NLGN4X: variants seen among roughly 807,000 people sequenced by gnomAD.
The protein encoded by NLGN4X is neuroligin 4 X-linked.
In NLGN4X, 3 loss-of-function variants were observed where a neutral mutation model predicts 40.3. The ratio of observed to expected loss-of-function variants is 0.07; its 90% CI spans 0.03 to 0.19. The LOEUF (loss-of-function observed/expected upper bound fraction) is 0.19, where lower values mean the gene tolerates loss of function less well. Among genes scored for constraint, NLGN4X ranks in the 10% least tolerant of loss-of-function variants. The pLI is 1.00. For synonymous variants in NLGN4X, 270 were observed against 306.8 expected, an observed-to-expected ratio of 0.88 and a Z score of 1.25; for missense variants, 382 against 708.3, an observed-to-expected ratio of 0.54 and a Z score of 5.23.
chrX:5,899,246 C>T (rs902474026), intron 5 of NLGN4X, among the ~76,000 whole-genome samples: 5 of 111,916 alleles, frequency 4.5e-5, no homozygotes, highest in Non-Finnish European at 5.6e-5. Context: ...TTCCCATGGG[C>T]GGAAGAAACA....
At chrX:6,084,731 A>AT (rs1338719267) in intron 2 of NLGN4X, among the ~76,000 whole-genome samples, 1 of 110,156 alleles carries the variant, frequency 9.1e-6, no homozygotes, top group African/African-American at 3.3e-5. Context: ...TCATGAACAG[A>AT]TGAGTGTAAT....
At position 5,923,585 on chromosome X, in the gene NLGN4X, A is replaced by G. The variant is rs777159960; in HGVS notation, c.626-14346T>C. Among the ~76,000 whole-genome samples, 12 of 112,242 alleles carry G rather than the reference A, an allele frequency of 1.1e-4. No individual in the cohort carries two copies. The South Asian group carries it at 4.1e-3, about 38-fold the overall frequency. On this transcript the variant is annotated intron_variant, in intron 3 of 5. Coordinates refer to ENST00000381095, the MANE Select transcript of NLGN4X (RefSeq NM_181332.3). ...AGGCATGTCTCACATGGCAGCAGACAACAGAAGAGAGCTTATGCAGGGAAA... is the reference window on the plus strand; with the variant it reads ...AGGCATGTCTCACATGGCAGCAGACGACAGAAGAGAGCTTATGCAGGGAAA...
rs1232133973 is a variant in NLGN4X, at chrX:5,966,134, C to T, written c.626-56895G>A. Among the ~76,000 whole-genome samples, 3 of 111,753 alleles carry T rather than the reference C, an allele frequency of 2.7e-5. 1 individual carries two copies. Among genetic ancestry groups the T allele is most frequent in the Non-Finnish European group, 1.9e-5 (1 of 53,148 alleles). Reference sequence around the variant, plus strand: ...ATGGCTTTGAAATTTTCTTTACAGTCATTAAAAACCATAGCATGTGTTCAT... The same window carrying T: ...ATGGCTTTGAAATTTTCTTTACAGTTATTAAAAACCATAGCATGTGTTCAT... On this transcript the variant is annotated intron_variant, in intron 3 of 5. Coordinates refer to ENST00000381095, the MANE Select transcript of NLGN4X (RefSeq NM_181332.3).
Position 6,221,394 on chromosome X carries a change from TATA to T in NLGN4X, c.-306+7144_-306+7146del, listed in dbSNP as rs1569306876. ...AACCACATTTTTCCTTCTTATATTA[TATA>T]TATATATATATATATATATATATAT... On this transcript the variant is annotated intron_variant, in intron 1 of 5. Transcript: ENST00000381095. Among the ~76,000 whole-genome samples, 65 of 20,359 alleles carry T rather than the reference TATA, an allele frequency of 3.2e-3. 2 individuals are homozygous for T. The highest frequency in any genetic ancestry group is 0.012 in the African/African-American group (64 of 5,267). 17.7% of individuals were successfully genotyped at this position (20,359 alleles called of 115,157 possible).
chrX:5,902,764 C>A (rs2031944293), intron 5 of NLGN4X, among the ~76,000 whole-genome samples: 1 of 112,465 alleles, frequency 8.9e-6, no homozygotes, highest in African/African-American at 3.2e-5. Context: ...ATGAGTCCTG[C>A]ACCTGCAGGT....
chrX:6,085,258 C>A (rs1156762923), intron 2 of NLGN4X, among the ~76,000 whole-genome samples: 1 of 110,998 alleles, frequency 9.0e-6, no homozygotes, highest in Non-Finnish European at 1.9e-5. Flanking sequence ...AAGTGATAGC[C>A]AGAAGAAGAG....
At chrX:6,047,115 C>T (rs1438926101) in intron 2 of NLGN4X, among the ~76,000 whole-genome samples, 1 of 110,034 alleles carries the variant, frequency 9.1e-6, no homozygotes, top group Non-Finnish European at 1.9e-5. Flanking sequence ...GAAATATATA[C>T]ATAAATCAGA....
chrX:5,957,983 T>G (rs1369154048), intron 3 of NLGN4X, among the ~76,000 whole-genome samples: 1 of 112,389 alleles, frequency 8.9e-6, no homozygotes, highest in Non-Finnish European at 1.9e-5. Flanking sequence ...TGGCCTTTTC[T>G]TTGTCTTTAT....
At chrX:6,123,791 A>G (rs974301479) in intron 2 of NLGN4X, among the ~76,000 whole-genome samples, 4 of 108,563 alleles carry the variant, frequency 3.7e-5, no homozygotes, top group Non-Finnish European at 7.6e-5. Context: ...TAATAAGGTC[A>G]GTAAAAGAAA....
chrX:6,032,618 T>TA (rs2036897009), intron 2 of NLGN4X: 1 of 672,220 alleles, frequency 1.5e-6, no homozygotes. Flanking sequence ...CAGATTGAAA[T>TA]GAAAAAAAAA....
rs191108235 is a variant in NLGN4X, at chrX:6,005,257, T to C, written c.625+24023A>G. ...ATGAATGGTTAACAGCTATGCTGCATTGTGGAAGTAAAATGGCATTCCTCC... is the reference window on the plus strand; with the variant it reads ...ATGAATGGTTAACAGCTATGCTGCACTGTGGAAGTAAAATGGCATTCCTCC... On this transcript the variant is annotated intron_variant, in intron 3 of 5. Coordinates refer to ENST00000381095, the MANE Select transcript of NLGN4X (RefSeq NM_181332.3). 1.1e-4 allele frequency among the ~76,000 whole-genome samples: 12 copies of C among 112,266 alleles called. No homozygotes were observed. In the South Asian group the frequency reaches 2.6e-3, roughly 25 times the overall value.
intron 1 of NLGN4X, among the ~76,000 whole-genome samples, chrX:6,159,372 C>A (rs185873564): frequency 1.8e-5 from 2 of 111,600 alleles, no homozygotes; most frequent in South Asian, 3.8e-4. Context: ...AAATGAATAT[C>A]CAAATACACA....
rs180794184 is a variant in NLGN4X, at chrX:6,036,837, A to G, written c.473-7405T>C. On this transcript the variant is annotated intron_variant, in intron 2 of 5. Transcript: ENST00000381095. The stretch of plus-strand genomic sequence containing the variant: ...CAAAAGTACAACAATTCTATTATTA[A>G]AATTTAAATATCATTTTATAAATAA... Among the ~76,000 whole-genome samples the G allele has an allele frequency of 5.1e-3, 571 of 111,989 alleles. 5 individuals are homozygous for G. Among genetic ancestry groups the G allele is most frequent in the African/African-American group, 0.018 (549 of 30,881 alleles).
In NLGN4X at chrX:5,987,672, T is replaced by C. The variant is rs777371354; in HGVS notation, c.625+41608A>G. 2.7e-5 allele frequency among the ~76,000 whole-genome samples: 3 copies of C among 112,635 alleles called. No homozygotes were observed. In the East Asian group the frequency reaches 8.4e-4, roughly 32 times the overall value. On this transcript the variant is annotated intron_variant, in intron 3 of 5. Transcript: ENST00000381095. Reference sequence around the variant, plus strand: ...GTTTCTAATGGTTGTCTTTATATTGTCCATCTTGAAAATACCATTAGAAAC... The same window carrying C: ...GTTTCTAATGGTTGTCTTTATATTGCCCATCTTGAAAATACCATTAGAAAC...
chrX:5,937,052 C>CCTCT (rs976021341), intron 3 of NLGN4X, among the ~76,000 whole-genome samples: 5 of 109,632 alleles, frequency 4.6e-5, no homozygotes, highest in African/African-American at 1.7e-4. Context: ...CTAATAAACA[C>CCTCT]CTCTCTCTCT....
intron 3 of NLGN4X, among the ~76,000 whole-genome samples, chrX:6,009,169 T>C (rs930619157): frequency 2.7e-5 from 3 of 112,142 alleles, no homozygotes; most frequent in Non-Finnish European, 5.6e-5. Context: ...GTTCAGTTTT[T>C]AGCTATTGTG....
chrX:5,929,307 A>G (rs1332359526), intron 3 of NLGN4X, among the ~76,000 whole-genome samples: 1 of 110,223 alleles, frequency 9.1e-6, no homozygotes, highest in Non-Finnish European at 1.9e-5. Context: ...TACTAAAAGA[A>G]AATACAAAAA....
At chrX:6,190,065 G>A (rs180919431) in intron 1 of NLGN4X, among the ~76,000 whole-genome samples, 2 of 108,363 alleles carry the variant, frequency 1.8e-5, no homozygotes, top group East Asian at 5.8e-4. Context: ...ATTTTTCCAA[G>A]TATGATTTTC....
Position 5,890,593 on chromosome X carries a change from T to C in NLGN4X, c.*2224A>G, listed in dbSNP as rs1487217607. 6.1e-6 allele frequency: 2 copies of C among 326,626 alleles called. No individual in the cohort carries two copies. The highest frequency in any genetic ancestry group is 5.9e-6 in the Non-Finnish European group (1 of 169,404). The allele number at this position is 326,626 out of a possible 1,213,427, so 26.9% of individuals were successfully genotyped here. ...CTTTGTAGTTTCACAGAGAGCCTAT[T>C]TGTGGTTGCTCAGGTGGGGTCATAC... On this transcript the variant is annotated 3_prime_UTR_variant, in exon 6 of 6. Coordinates refer to ENST00000381095, the MANE Select transcript of NLGN4X (RefSeq NM_181332.3).
Sources: gnomAD v4.1 joint callset for allele counts (sites outside exome capture counted in the v4.1 genomes callset) on GRCh38, gnomAD v4.1.1 for gene constraint, MANE v1.5 for transcripts, NCBI Gene and HGNC (gene_info 2026-07-23, HGNC 2026-07-21) for gene names.